Variants in CCNY observed in about 807,000 individuals in gnomAD.
The protein encoded by CCNY is cyclin-Y.
A neutral mutation model predicts 42.8 loss-of-function variants in CCNY; 19 were observed. That is an observed-to-expected ratio of 0.44 (90% CI 0.31 to 0.65). CCNY has a LOEUF of 0.65. CCNY is among the 30% of genes least tolerant of loss of function. The pLI, the probability that CCNY is intolerant of heterozygous loss-of-function variation, is 0.07. For missense variants in CCNY, 370 were observed against 437.3 expected (o/e 0.85, Z 1.37); for synonymous variants, 165 against 162.7 (o/e 1.01, Z -0.11).
Position 35,432,748 on chromosome 10 carries a change from A to C in CCNY, c.155-50656A>C, listed in dbSNP as rs1838440574. 2.0e-5 allele frequency among the ~76,000 whole-genome samples: 3 copies of C among 152,228 alleles called. No individual in the cohort carries two copies. In the South Asian group the frequency reaches 6.2e-4, roughly 31 times the overall value. On this transcript the variant is annotated intron_variant, in intron 1 of 9. Transcript: ENST00000374704. ...TAAATTTAATTATGGTTAACTTTGGAAATTAAAATGTTTTCTGAAAAGTAA... is the reference window on the plus strand; with the variant it reads ...TAAATTTAATTATGGTTAACTTTGGCAATTAAAATGTTTTCTGAAAAGTAA...
At chr10:35,260,939 C>T (rs995826241) in intron 3 of CCNY, among the ~76,000 whole-genome samples, 2 of 151,978 alleles carry the variant, frequency 1.3e-5, no homozygotes, top group Admixed American at 1.3e-4. Context: ...TGTGAGACCC[C>T]GTCTCTACAA....
intron 1 of CCNY, among the ~76,000 whole-genome samples, chr10:35,479,806 T>C (rs1839623836): frequency 6.6e-6 from 1 of 151,830 alleles, no homozygotes; most frequent in African/African-American, 2.4e-5. Context: ...CTGAAACCAC[T>C]ACGCTCTTCC....
intron 1 of CCNY, among the ~76,000 whole-genome samples, chr10:35,384,371 G>GA (rs1176598261): frequency 6.6e-6 from 1 of 152,130 alleles, no homozygotes; most frequent in African/African-American, 2.4e-5. Context: ...GCAGGTAGGG[G>GA]AATAGTCAGT....
chr10:35,545,475 C>T (rs992615621), intron 7 of CCNY, among the ~76,000 whole-genome samples: 2 of 152,212 alleles, frequency 1.3e-5, no homozygotes, highest in African/African-American at 4.8e-5. Context: ...GCCTCATGCT[C>T]ACGCAGCGTT....
intron 2 of CCNY, among the ~76,000 whole-genome samples, chr10:35,485,881 T>C (rs1839778398): frequency 1.3e-5 from 2 of 152,218 alleles, no homozygotes; most frequent in South Asian, 4.1e-4. Flanking sequence ...CTCAGACATC[T>C]TCATAAACTT....
At chr10:35,449,961 C>T (rs1838881032) in intron 1 of CCNY, 1 of 182,928 alleles carries the variant, frequency 5.5e-6, no homozygotes, top group East Asian at 1.9e-4. Context: ...GCATCTCCTC[C>T]AGCTGTGTAC....
At chr10:35,404,816 G>A (rs1400674766) in intron 1 of CCNY, among the ~76,000 whole-genome samples, 1 of 152,194 alleles carries the variant, frequency 6.6e-6, no homozygotes, top group African/African-American at 2.4e-5. Context: ...ATAGGTAATG[G>A]ATGAGGAAGA....
chr10:35,488,629 A>G (rs758720807), intron 2 of CCNY, among the ~76,000 whole-genome samples: 1 of 152,204 alleles, frequency 6.6e-6, no homozygotes, highest in Non-Finnish European at 1.5e-5. Flanking sequence ...CTTACATACT[A>G]TGGAAAACAA....
At chr10:35,274,063 A>G (rs938389143) in intron 3 of CCNY, among the ~76,000 whole-genome samples, 1 of 152,204 alleles carries the variant, frequency 6.6e-6, no homozygotes, top group Admixed American at 6.5e-5. Flanking sequence ...TAATAAAGAC[A>G]TACCTGAGAC....
intron 1 of CCNY, chr10:35,449,941 G>T (rs1377547142): frequency 4.4e-6 from 1 of 228,046 alleles, no homozygotes; most frequent in East Asian, 1.8e-4. Context: ...GGACCAGTCA[G>T]CAGGATTCTG....
At chr10:35,481,850 C>T (rs554842684) in intron 1 of CCNY, among the ~76,000 whole-genome samples, 1 of 152,280 alleles carries the variant, frequency 6.6e-6, no homozygotes, top group African/African-American at 2.4e-5. Context: ...TCATTTTCAC[C>T]ATGAAATTTC....
chr10:35,545,441 C>T (rs185982646), intron 7 of CCNY, among the ~76,000 whole-genome samples: 2 of 152,316 alleles, frequency 1.3e-5, no homozygotes, highest in South Asian at 2.1e-4. Context: ...CTCTCTCTGA[C>T]GTATTACAAT....
intron 1 of CCNY, among the ~76,000 whole-genome samples, chr10:35,360,307 GAT>G (rs1836655255): frequency 4.1e-5 from 5 of 120,924 alleles, no homozygotes; most frequent in Admixed American, 4.0e-4. Flanking sequence ...TTTTTTTTGA[GAT>G]AGAGTCTCAC....
intron 2 of CCNY, among the ~76,000 whole-genome samples, chr10:35,490,467 G>T (rs1461393236): frequency 6.6e-6 from 1 of 152,210 alleles, no homozygotes; most frequent in Admixed American, 6.5e-5. Flanking sequence ...CCAGACAGGC[G>T]CAGGGGAGTG....
intron 8 of CCNY, among the ~76,000 whole-genome samples, chr10:35,557,580 A>G (rs750333030): frequency 3.3e-5 from 5 of 151,512 alleles, no homozygotes; most frequent in Non-Finnish European, 5.9e-5. Context: ...ACATGGTGAA[A>G]TGCCATCTCT....
chr10:35,397,628 C>G (rs1837553842), intron 1 of CCNY, among the ~76,000 whole-genome samples: 1 of 152,122 alleles, frequency 6.6e-6, no homozygotes. Flanking sequence ...ATGCAGGGTA[C>G]CAAATGAACC....
At chr10:35,396,683 T>C (rs1009722820) in intron 1 of CCNY, among the ~76,000 whole-genome samples, 3 of 152,194 alleles carry the variant, frequency 2.0e-5, no homozygotes, top group African/African-American at 7.2e-5. Flanking sequence ...ACGCTTCCCA[T>C]GAGAAAAGAG....
intron 3 of CCNY, among the ~76,000 whole-genome samples, chr10:35,515,213 C>G (rs1042789819): frequency 1.3e-5 from 2 of 152,178 alleles, no homozygotes; most frequent in Admixed American, 6.5e-5. Flanking sequence ...CTGAATTTTC[C>G]TGGTTGTGGT....
Position 35,396,981 on chromosome 10 carries a change from C to T in CCNY, c.154+59774C>T, listed in dbSNP as rs141488930. On this transcript the variant is annotated intron_variant, in intron 1 of 9. Coordinates refer to ENST00000374704, the MANE Select transcript of CCNY (RefSeq NM_145012.6). ...ACTGGAGAGAGATCAATTTTTCTGC[C>T]TGTTACAGTTCTGGGGGCTGGCTCA... Among the ~76,000 whole-genome samples the T allele has an allele frequency of 2.8e-3, 430 of 152,264 alleles. 1 individual carries two copies. The highest frequency in any genetic ancestry group is 8.9e-3 in the African/African-American group (371 of 41,544).
Sources: allele counts gnomAD v4.1 joint callset (sites outside exome capture counted in the v4.1 genomes callset), GRCh38; gene constraint gnomAD v4.1.1; transcripts MANE v1.5; gene names NCBI Gene and HGNC (gene_info 2026-07-23, HGNC 2026-07-21).